The following ADAMTSL1 variants were observed in gnomAD, a reference collection of about 807,000 sequenced individuals.
ADAMTSL1 encodes the protein ADAMTS like 1.
Under a neutral mutation model 201.8 loss-of-function variants are expected in ADAMTSL1, and 126 were observed. The observed-to-expected ratio is 0.62, with a 90% CI of 0.54 to 0.72. The LOEUF is 0.72. Among genes scored for constraint, ADAMTSL1 ranks in the 30% least tolerant of loss-of-function variants. The pLI is 0.00. For synonymous variants in ADAMTSL1, 1,121 were observed against 903.4 expected, an observed-to-expected ratio of 1.24 and a Z score of -4.32; for missense variants, 2,679 against 2,277.8, an observed-to-expected ratio of 1.18 and a Z score of -3.59.
chr9:18,798,767 C>G (rs1822591567), intron 20 of ADAMTSL1, among the ~76,000 whole-genome samples: 1 of 152,194 alleles, frequency 6.6e-6, no homozygotes, highest in Non-Finnish European at 1.5e-5. Flanking sequence ...TTGAGTTTGC[C>G]CCGTCCCGTA....
intron 1 of ADAMTSL1, among the ~76,000 whole-genome samples, chr9:18,502,523 G>T (rs983551595): frequency 6.6e-6 from 1 of 152,178 alleles, no homozygotes; most frequent in African/African-American, 2.4e-5. Flanking sequence ...CATTGGCAAA[G>T]AGTCTTTTCT....
chr9:18,880,231 T>C (rs1335998195), intron 23 of ADAMTSL1, among the ~76,000 whole-genome samples: 1 of 152,182 alleles, frequency 6.6e-6, no homozygotes, highest in Non-Finnish European at 1.5e-5. Context: ...CATGTTGGTA[T>C]TTTGACCTCC....
chr9:18,644,265 T>C (rs977249866), intron 7 of ADAMTSL1, among the ~76,000 whole-genome samples: 4 of 151,808 alleles, frequency 2.6e-5, no homozygotes, highest in African/African-American at 9.7e-5. Flanking sequence ...GTTCTAAAAG[T>C]TTTTTGGTGG....
intron 2 of ADAMTSL1, among the ~76,000 whole-genome samples, chr9:18,258,168 TG>T (rs1270659741): frequency 2.0e-5 from 3 of 152,250 alleles, no homozygotes. Context: ...CCAGGTTTTT[TG>T]CTAAATTGTA....
At chr9:18,139,577 T>C (rs1221190001) in intron 1 of ADAMTSL1, among the ~76,000 whole-genome samples, 1 of 152,110 alleles carries the variant, frequency 6.6e-6, no homozygotes, top group African/African-American at 2.4e-5. Flanking sequence ...AGGAAGTGAG[T>C]TCCATCCAAC....
chr9:17,951,310 A>G (rs1008899158), intron 1 of ADAMTSL1, among the ~76,000 whole-genome samples: 1 of 152,170 alleles, frequency 6.6e-6, no homozygotes, highest in East Asian at 1.9e-4. Flanking sequence ...ATGAATCCAC[A>G]TGAGTCTGCC....
chr9:18,706,771 CTGCACAGTCACCTGTGGTG>C lies in ADAMTSL1; in HGVS notation c.1602_1620del (p.Cys534TrpfsTer7), dbSNP rs759526518. On this transcript the variant is annotated frameshift_variant, in exon 14 of 29. Coordinates refer to ENST00000380548, the MANE Select transcript of ADAMTSL1 (RefSeq NM_001040272.6). LOFTEE classifies it high-confidence loss of function. The stretch of plus-strand genomic sequence containing the variant: ...GGTTCATCCCAGAGGCCTGGTCGGC[CTGCACAGTCACCTGTGGTG>C]TGGGGACCCAGGTGCGAATAGTCAG... The C allele has an allele frequency of 1.9e-6, 3 of 1,606,908 alleles. No homozygotes were observed. Among genetic ancestry groups the C allele is most frequent in the Non-Finnish European group, 2.5e-6 (3 of 1,176,586 alleles).
chr9:17,935,989 T>A (rs908412351), intron 1 of ADAMTSL1, among the ~76,000 whole-genome samples: 3 of 152,196 alleles, frequency 2.0e-5, no homozygotes, highest in African/African-American at 7.2e-5. Context: ...TTCTCCTTAC[T>A]TACTATTCTC....
At chr9:18,284,883 A>T (rs7859794) in intron 2 of ADAMTSL1, among the ~76,000 whole-genome samples, 90,039 of 152,072 alleles carry the variant, frequency 0.59, 26,932 homozygotes, top group South Asian at 0.74. Flanking sequence ...CCGTTATCAT[A>T]TTAATGGCAG....
chr9:18,314,953 C>G (rs959212233), intron 2 of ADAMTSL1, among the ~76,000 whole-genome samples: 1 of 150,880 alleles, frequency 6.6e-6, no homozygotes, highest in Admixed American at 6.6e-5. Context: ...CCCGCTACCA[C>G]GCCCGGCTAA....
intron 2 of ADAMTSL1, among the ~76,000 whole-genome samples, chr9:18,304,777 A>G (rs144830603): frequency 6.6e-6 from 1 of 152,264 alleles, no homozygotes; most frequent in Non-Finnish European, 1.5e-5. Flanking sequence ...CATAACTCAT[A>G]TTTGCATTAA....
At chr9:18,547,406 C>T (rs1324413469) in intron 3 of ADAMTSL1, among the ~76,000 whole-genome samples, 26 of 151,698 alleles carry the variant, frequency 1.7e-4, no homozygotes, top group Admixed American at 1.7e-3. Context: ...AGAAAAAGTC[C>T]ATGGACCAAA....
At chr9:18,412,885 G>T (rs911978126) in intron 2 of ADAMTSL1, among the ~76,000 whole-genome samples, 1 of 152,000 alleles carries the variant, frequency 6.6e-6, no homozygotes, top group African/African-American at 2.4e-5. Flanking sequence ...AGAAGCTCTG[G>T]TTCCTTTAAA....
At chr9:18,048,363 T>C (rs886646805) in intron 1 of ADAMTSL1, among the ~76,000 whole-genome samples, 8 of 152,164 alleles carry the variant, frequency 5.3e-5, no homozygotes, top group Admixed American at 1.3e-4. Flanking sequence ...TCCAGTTGGT[T>C]TTATGCACAT....
intron 2 of ADAMTSL1, among the ~76,000 whole-genome samples, chr9:18,517,157 A>G (rs1340045863): frequency 5.9e-5 from 9 of 152,156 alleles, no homozygotes; most frequent in Admixed American, 5.9e-4. Context: ...CAAATGTAAG[A>G]TCATTTGCAA....
intron 23 of ADAMTSL1, among the ~76,000 whole-genome samples, chr9:18,834,456 T>C (rs1040711732): frequency 6.6e-6 from 1 of 152,178 alleles, no homozygotes; most frequent in African/African-American, 2.4e-5. Flanking sequence ...GTTTGACCCA[T>C]ATTTGACAAT....
At chr9:18,482,540 C>T (rs1388819163) in intron 1 of ADAMTSL1, among the ~76,000 whole-genome samples, 1 of 152,132 alleles carries the variant, frequency 6.6e-6, no homozygotes, top group Admixed American at 6.5e-5. Context: ...AGCGTGATAA[C>T]CTAAGACATC....
chr9:18,295,889 A>G (rs564474952), intron 2 of ADAMTSL1, among the ~76,000 whole-genome samples: 1 of 152,360 alleles, frequency 6.6e-6, no homozygotes, highest in Non-Finnish European at 1.5e-5. Flanking sequence ...AAAGAAGAAT[A>G]TATGCCTTAT....
At chr9:18,848,113 T>C (rs1368770) in intron 23 of ADAMTSL1, among the ~76,000 whole-genome samples, 105,376 of 152,114 alleles carry the variant, frequency 0.69, 37,028 homozygotes, top group African/African-American at 0.83. Flanking sequence ...GCACCTGCTC[T>C]GTCTGCCTGG....
Sources: allele counts gnomAD v4.1 joint callset (sites outside exome capture counted in the v4.1 genomes callset), GRCh38; gene constraint gnomAD v4.1.1; transcripts MANE v1.5; gene names NCBI Gene and HGNC (gene_info 2026-07-23, HGNC 2026-07-21).